CCDC14: variants seen among roughly 807,000 people sequenced by gnomAD.
CCDC14 encodes coiled-coil domain containing 14, also known as coiled-coil domain-containing protein 14.
In CCDC14, 71 loss-of-function variants were observed where a neutral mutation model predicts 81.4. The observed-to-expected ratio is 0.87, with a 90% CI of 0.72 to 1.06. The LOEUF is 1.06. CCDC14 is among the 50% of genes least tolerant of loss of function. The probability of loss-of-function intolerance (pLI) is 0.00; values close to 1 mark genes in which losing one functional copy is unlikely to be tolerated. For missense variants in CCDC14, 1,046 were observed against 1,047.3 expected, an observed-to-expected ratio of 1.00 and a Z score of 0.02; for synonymous variants, 332 against 364.8, an observed-to-expected ratio of 0.91 and a Z score of 1.03.
chr3:123,951,369 T>C (rs1414832981), intron 5 of CCDC14, among the ~76,000 whole-genome samples: 3 of 152,204 alleles, frequency 2.0e-5, no homozygotes, highest in African/African-American at 7.2e-5. Flanking sequence ...CCCTCTGAGA[T>C]GATTAAAATC....
Position 123,947,318 on chromosome 3 carries a change from T to C in CCDC14, c.686A>G (p.Glu229Gly), listed in dbSNP as rs2036698957. 3.1e-6 allele frequency: 5 copies of C among 1,597,486 alleles called. No individual in the cohort carries two copies. The highest frequency in any genetic ancestry group is 3.4e-6 in the Non-Finnish European group (4 of 1,171,298). ...CTGACTGTTGCCATCAGTTTGAACT[T>C]CCTAAAGAAAGATAAAAACAAGTCT... ...RPPCPPKVHS[E>G]VQTDGNSQFA... The change falls in exon 8 of 13, where the codon GAA (glutamate) becomes GGA (glycine). Residue 229 changes from glutamate (E) to glycine (G), a missense_variant and splice_region_variant. Physicochemically the swap from Glu to Gly is moderately conservative, Grantham distance 98. Coordinates refer to ENST00000409697, the MANE Select transcript of CCDC14 (RefSeq NM_001366335.1).
intron 5 of CCDC14, among the ~76,000 whole-genome samples, chr3:123,906,660 C>G (rs2034318804): frequency 6.6e-6 from 1 of 152,040 alleles, no homozygotes; most frequent in East Asian, 1.9e-4. Flanking sequence ...TGATCAAAGC[C>G]AGAGAAAATT....
chr3:123,954,557 A>G (rs2037218294), intron 5 of CCDC14: 1 of 152,136 alleles, frequency 6.6e-6, no homozygotes, highest in Non-Finnish European at 1.5e-5. Flanking sequence ...TAATATTTAA[A>G]TCAATATATC....
At chr3:123,946,442 A>C (rs950151465) in intron 8 of CCDC14, among the ~76,000 whole-genome samples, 4 of 152,164 alleles carry the variant, frequency 2.6e-5, no homozygotes, top group Non-Finnish European at 5.9e-5. Flanking sequence ...CATCTTTTTA[A>C]AACAGGAAGA....
At chr3:123,911,895 T>C (rs926627784), downstream of CCDC14, among the ~76,000 whole-genome samples, 10 of 152,082 alleles carry the variant, frequency 6.6e-5, no homozygotes, top group Admixed American at 5.9e-4. Flanking sequence ...ACTTGACAAG[T>C]AAAATGCCAC....
downstream of CCDC14, among the ~76,000 whole-genome samples, chr3:123,908,630 C>T (rs567299071): frequency 2.6e-5 from 4 of 152,106 alleles, no homozygotes; most frequent in Admixed American, 6.6e-5. Context: ...AATTTAAATT[C>T]TCATACCCTT....
chr3:123,942,176 T>C (rs1302879326), intron 9 of CCDC14, among the ~76,000 whole-genome samples: 1 of 152,072 alleles, frequency 6.6e-6, no homozygotes, highest in Non-Finnish European at 1.5e-5. Flanking sequence ...ACTTCTTAGA[T>C]ATATAACCTT....
At chr3:123,885,632 A>G in the CCDC14 span, among the ~76,000 whole-genome samples, 1 of 152,094 alleles carries the variant, frequency 6.6e-6, no homozygotes, top group Non-Finnish European at 1.5e-5. Context: ...TATTGACAGC[A>G]AGTTGGCAGC....
chr3:123,956,907 T>C, intron 1 of CCDC14, 112 bp from the exon 2 acceptor site: 1 of 651,396 alleles, frequency 1.5e-6, no homozygotes, highest in Non-Finnish European at 2.6e-6. Flanking sequence ...CTTCTCAAAC[T>C]GAAACTCTGC....
At chr3:123,954,991 C>T (rs890812382) in intron 5 of CCDC14, 5 of 152,130 alleles carry the variant, frequency 3.3e-5, no homozygotes, top group African/African-American at 1.2e-4. Flanking sequence ...CCTTAGTTCT[C>T]TACCTTGGGA....
At chr3:123,948,239 C>CTTTTTTTTT (rs5852375) in intron 7 of CCDC14, among the ~76,000 whole-genome samples, 1 of 138,448 alleles carries the variant, frequency 7.2e-6, no homozygotes. Flanking sequence ...TCTTTCTTTT[C>CTTTTTTTTT]TTTTTTTTTT....
chr3:123,887,606 G>A, the CCDC14 span, among the ~76,000 whole-genome samples: 1 of 152,152 alleles, frequency 6.6e-6, no homozygotes, highest in Non-Finnish European at 1.5e-5. Context: ...CCTCTTTCTG[G>A]TTTGTAGACG....
Position 123,955,932 on chromosome 3 carries a change from T to G in CCDC14, c.263A>C (p.Asn88Thr), listed in dbSNP as rs1473480628. 6.5e-7 allele frequency: 1 copy of G among 1,529,728 alleles called. No homozygotes were observed. Among genetic ancestry groups the G allele is most frequent in the Middle Eastern group, 1.7e-4 (1 of 5,854 alleles). 94.8% of individuals were successfully genotyped at this position (1,529,728 alleles called of 1,614,324 possible). A position where few individuals can be genotyped will look rare whatever the true frequency, so the allele number is the denominator to read the frequency against. ...SETAYLENRS[N>T]SRPLESKRYG... is the part of the protein sequence containing the mutation. ...TCTTTTGCTTTCTAAAGGTCTAGAA[T>G]TAGATCTGTTTTCTAAATATGCTGT... is the stretch of plus-strand genomic sequence containing the variant. The change falls in exon 5 of 13, where the codon AAT (asparagine) becomes ACT (threonine). Residue 88 changes from asparagine to threonine, a missense_variant. Coordinates refer to ENST00000409697, the MANE Select transcript of CCDC14 (RefSeq NM_001366335.1).
chr3:123,918,176 T>C (rs1016464490), intron 12 of CCDC14, among the ~76,000 whole-genome samples: 2 of 152,248 alleles, frequency 1.3e-5, no homozygotes, highest in Admixed American at 1.3e-4. Flanking sequence ...GTGGTGATTA[T>C]ATCTCTGTAT....
At chr3:123,909,564 A>AT (rs1235998114), downstream of CCDC14, among the ~76,000 whole-genome samples, 1 of 152,242 alleles carries the variant, frequency 6.6e-6, no homozygotes, top group Non-Finnish European at 1.5e-5. Context: ...TTTTAAGAAC[A>AT]CTGTGTGCCT....
chr3:123,899,965 A>G (rs2034146792), intron 5 of CCDC14, among the ~76,000 whole-genome samples: 1 of 152,188 alleles, frequency 6.6e-6, no homozygotes, highest in African/African-American at 2.4e-5. Flanking sequence ...CAGTTTGATT[A>G]AGATGTCTCT....
rs2036545850 is a variant in CCDC14, at chr3:123,944,952, C to T, written c.1240G>A (p.Ala414Thr). Residue 414 changes from alanine (A) to threonine (T), a missense_variant, in exon 9 of 13, where the codon GCA becomes ACA. Ala to Thr is a moderately conservative substitution (Grantham distance 58). Transcript: ENST00000409697. ...EIQRLITEME[A>T]CISVLPTVSG... ...ACTGTTGGAAGTACAGATATACATG[C>T]CTCCATTTCTGTAATCAACCTCTGA... is the stretch of plus-strand genomic sequence containing the variant. 1 of 1,606,818 alleles carries T rather than the reference C, an allele frequency of 6.2e-7. No individual in the cohort carries two copies. Among genetic ancestry groups the T allele is most frequent in the Non-Finnish European group, 8.5e-7 (1 of 1,175,018 alleles).
chr3:123,887,841 T>C, the CCDC14 span, among the ~76,000 whole-genome samples: 1 of 152,212 alleles, frequency 6.6e-6, no homozygotes, highest in Non-Finnish European at 1.5e-5. Flanking sequence ...ACTGCTTCTC[T>C]GGAGACTTCT....
rs1050072307 is a variant in CCDC14 at position 123,948,755 on chromosome 3, C to T, written c.620G>A (p.Gly207Asp). 1 of 1,598,780 alleles carries T rather than the reference C, an allele frequency of 6.3e-7. No individual in the cohort carries two copies. The highest frequency in any genetic ancestry group is 8.5e-7 in the Non-Finnish European group (1 of 1,176,234). Residue 207 changes from glycine to aspartate, a missense_variant, in exon 7 of 13, where the codon GGC becomes GAC. Transcript: ENST00000409697. ...CCAGACTGGGGTGGAGGTACATAAGCCATAACTAGAATGAGGAGTTGCCTG... is the reference window on the plus strand; with the variant it reads ...CCAGACTGGGGTGGAGGTACATAAGTCATAACTAGAATGAGGAGTTGCCTG... Reference protein sequence around the residue: ...ESQATPHSSYGLCTSTPVWSL... With the variant: ...ESQATPHSSYDLCTSTPVWSL...
Sources: gnomAD v4.1 joint callset for allele counts (sites outside exome capture counted in the v4.1 genomes callset) on GRCh38, gnomAD v4.1.1 for gene constraint, MANE v1.5 for transcripts, NCBI Gene and HGNC (gene_info 2026-07-23, HGNC 2026-07-21) for gene names.